Variants in GIPC2 observed in about 807,000 individuals in gnomAD.
GIPC2 encodes PDZ domain-containing protein GIPC2.
In GIPC2, 30 loss-of-function variants were observed where a neutral mutation model predicts 30.6. The observed-to-expected ratio is 0.98, with a 90% CI of 0.73 to 1.33. The LOEUF (loss-of-function observed/expected upper bound fraction) is 1.33. GIPC2 is among the 40% of genes most tolerant of loss of function. GIPC2 has a pLI of 0.00. For missense variants in GIPC2, 414 were observed against 390.3 expected (o/e 1.06, Z -0.51); for synonymous variants, 167 against 150.0 (o/e 1.11, Z -0.83).
intron 1 of GIPC2, among the ~76,000 whole-genome samples, chr1:78,066,436 G>A: frequency 6.6e-6 from 1 of 152,190 alleles, no homozygotes; most frequent in African/African-American, 2.4e-5. Flanking sequence ...ACTGTTGGTG[G>A]GAGTGTAAAT....
At chr1:78,104,880 T>G (rs141063707) in intron 3 of GIPC2, among the ~76,000 whole-genome samples, 191 of 152,354 alleles carry the variant, frequency 1.3e-3, no homozygotes, top group Admixed American at 2.7e-3. Flanking sequence ...GTGTACACAG[T>G]GACAGATTTT....
rs528710803 is a variant in GIPC2 at position 78,089,998 on chromosome 1, A to C, written c.427-4954A>C. ...GTAATTTGAATTTATTATAATTTTC[A>C]CATCATAAATCTTCTTTTGATTTTT... is the stretch of plus-strand genomic sequence containing the variant. On this transcript the variant is annotated intron_variant, in intron 2 of 5. Coordinates refer to ENST00000370759, the MANE Select transcript of GIPC2 (RefSeq NM_017655.6). Among the ~76,000 whole-genome samples, 3 of 152,308 alleles carry C rather than the reference A, an allele frequency of 2.0e-5. No individual in the cohort carries two copies. The East Asian group carries it at 5.8e-4, about 29-fold the overall frequency.
At chr1:78,074,999 A>G (rs1468219596) in intron 1 of GIPC2, among the ~76,000 whole-genome samples, 1 of 152,196 alleles carries the variant, frequency 6.6e-6, no homozygotes, top group Admixed American at 6.5e-5. Context: ...TTTTAGTTGA[A>G]AGTAACAGAA....
chr1:78,125,239 C>T (rs758590691), intron 4 of GIPC2, among the ~76,000 whole-genome samples: 1 of 152,152 alleles, frequency 6.6e-6, no homozygotes, highest in Non-Finnish European at 1.5e-5. Context: ...AGAATCTTGC[C>T]ATGTTGCCCA....
intron 1 of GIPC2, among the ~76,000 whole-genome samples, chr1:78,054,166 C>T (rs1183384232): frequency 6.6e-6 from 1 of 152,156 alleles, no homozygotes; most frequent in Non-Finnish European, 1.5e-5. Flanking sequence ...GTAATTTCCT[C>T]CAAGAAGCCT....
chr1:78,121,658 G>A (rs1188364421), intron 4 of GIPC2, among the ~76,000 whole-genome samples: 2 of 152,162 alleles, frequency 1.3e-5, no homozygotes, highest in Non-Finnish European at 2.9e-5. Flanking sequence ...AAATGGCAAC[G>A]AAGAGATCTG....
At chr1:78,129,003 T>A (rs1255495117) in intron 5 of GIPC2, among the ~76,000 whole-genome samples, 1 of 123,158 alleles carries the variant, frequency 8.1e-6, no homozygotes, top group African/African-American at 3.1e-5. Flanking sequence ...AGACCCTGTC[T>A]CTAAAAATAA....
At chr1:78,074,971 T>G (rs970125047) in intron 1 of GIPC2, among the ~76,000 whole-genome samples, 2 of 152,186 alleles carry the variant, frequency 1.3e-5, no homozygotes, top group African/African-American at 4.8e-5. Flanking sequence ...GGCATAATGA[T>G]TCTATCAGTT....
intron 1 of GIPC2, among the ~76,000 whole-genome samples, chr1:78,050,629 C>T (rs1478555694): frequency 6.8e-6 from 1 of 146,056 alleles, no homozygotes; most frequent in African/African-American, 2.5e-5. Context: ...TACATACCAT[C>T]TTTTTTTTTT....
chr1:78,052,055 A>G (rs996978359), intron 1 of GIPC2, among the ~76,000 whole-genome samples: 1 of 152,172 alleles, frequency 6.6e-6, no homozygotes, highest in Non-Finnish European at 1.5e-5. Context: ...TTACCTCTTC[A>G]GAATCGTTGT....
chr1:78,049,933 G>A (rs993137914), intron 1 of GIPC2, among the ~76,000 whole-genome samples: 7 of 121,282 alleles, frequency 5.8e-5, no homozygotes, highest in African/African-American at 2.3e-4. Context: ...GTCTAGCTCT[G>A]TCGCCCAGGT....
intron 1 of GIPC2, among the ~76,000 whole-genome samples, chr1:78,068,149 T>G (rs1257315133): frequency 6.6e-6 from 1 of 152,194 alleles, no homozygotes; most frequent in African/African-American, 2.4e-5. Context: ...AACCTTTTAG[T>G]AATACATGTA....
At chr1:78,111,159 GA>G (rs1204803190) in intron 3 of GIPC2, among the ~76,000 whole-genome samples, 1 of 152,204 alleles carries the variant, frequency 6.6e-6, no homozygotes, top group Non-Finnish European at 1.5e-5. Context: ...GTGGTTAGGG[GA>G]GGGAGCTGCA....
upstream of GIPC2, chr1:78,045,498 A>C (rs933720151): frequency 2.4e-5 from 22 of 930,242 alleles, no homozygotes; most frequent in Non-Finnish European, 2.8e-5. Flanking sequence ...GAAATAGGCA[A>C]AAGGGAAACT....
intron 1 of GIPC2, among the ~76,000 whole-genome samples, chr1:78,051,906 A>T (rs1207112382): frequency 6.6e-6 from 1 of 151,836 alleles, no homozygotes; most frequent in Non-Finnish European, 1.5e-5. Flanking sequence ...TTACCACCTC[A>T]TTTCTCCTTT....
chr1:78,084,249 C>G (rs896137114), intron 2 of GIPC2, among the ~76,000 whole-genome samples: 2 of 152,160 alleles, frequency 1.3e-5, no homozygotes, highest in African/African-American at 4.8e-5. Flanking sequence ...CATGGTGGCT[C>G]ACACCTGTTA....
At chr1:78,115,888 A>G (rs1188379316) in intron 3 of GIPC2, among the ~76,000 whole-genome samples, 1 of 152,238 alleles carries the variant, frequency 6.6e-6, no homozygotes, top group African/African-American at 2.4e-5. Flanking sequence ...ATTAATATGC[A>G]AAATTAATAT....
chr1:78,092,126 G>A, intron 2 of GIPC2: 9 of 923,500 alleles, frequency 9.7e-6, no homozygotes, highest in Admixed American at 1.9e-5. Flanking sequence ...GTAGCAGGGT[G>A]TTCAGGATGG....
At chr1:78,065,982 G>A (rs1661503059) in intron 1 of GIPC2, among the ~76,000 whole-genome samples, 1 of 152,092 alleles carries the variant, frequency 6.6e-6, no homozygotes, top group South Asian at 2.1e-4. Context: ...CATAGGAATG[G>A]GCAAAGATTT....
Sources: allele counts gnomAD v4.1 joint callset (sites outside exome capture counted in the v4.1 genomes callset), GRCh38; gene constraint gnomAD v4.1.1; transcripts MANE v1.5; gene names NCBI Gene and HGNC (gene_info 2026-07-23, HGNC 2026-07-21).